WNT8B: variants seen among roughly 807,000 people sequenced by gnomAD.
WNT8B encodes Wnt family member 8B.
Under a neutral mutation model 36.6 loss-of-function variants are expected in WNT8B, and 24 were observed. The observed-to-expected ratio is 0.66, with a 90% CI of 0.48 to 0.92. The LOEUF (loss-of-function observed/expected upper bound fraction) is 0.92, where lower values mean the gene tolerates loss of function less well. Ranked by LOEUF, WNT8B falls within the 40% of genes least tolerant of loss-of-function variation. The pLI is 0.00. For synonymous variants in WNT8B, 199 were observed against 189.8 expected (o/e 1.05, Z -0.40); for missense variants, 402 against 470.8 (o/e 0.85, Z 1.35).
At chr10:100,467,278 G>A (rs1488598758) in intron 1 of WNT8B, among the ~76,000 whole-genome samples, 1 of 152,054 alleles carries the variant, frequency 6.6e-6, no homozygotes, top group Non-Finnish European at 1.5e-5. Flanking sequence ...AGATCATAAG[G>A]GGATCATTTA....
At chr10:100,463,545 C>T (rs759018581) in intron 1 of WNT8B, among the ~76,000 whole-genome samples, 11 of 152,108 alleles carry the variant, frequency 7.2e-5, no homozygotes, top group Non-Finnish European at 1.2e-4. Flanking sequence ...CTGATGTCAG[C>T]ATTGTAGAGA....
chr10:100,469,552 G>C lies in WNT8B; in HGVS notation c.68+6316G>C, dbSNP rs1850951175. 3.3e-5 allele frequency among the ~76,000 whole-genome samples: 5 copies of C among 152,278 alleles called. No individual in the cohort carries two copies. The South Asian group carries it at 1.0e-3, about 32-fold the overall frequency. Reference sequence around the variant, plus strand: ...TGCTTTTCACCCTTGAAAAATATTTGCATTTTAAACTTAACTCTCTCAAAT... The same window carrying C: ...TGCTTTTCACCCTTGAAAAATATTTCCATTTTAAACTTAACTCTCTCAAAT... On this transcript the variant is annotated intron_variant, in intron 1 of 5. Transcript: ENST00000343737.
In WNT8B at chr10:100,482,268, C is replaced by T. The variant is rs760150564; in HGVS notation, c.511-3C>T. Reference sequence around the variant, plus strand: ...GGCCTCTCACTCCTAGCTCTCTCCCCAGGCGGTGAAGGGCACCATGAAACG... The same window carrying T: ...GGCCTCTCACTCCTAGCTCTCTCCCTAGGCGGTGAAGGGCACCATGAAACG... On this transcript the variant is annotated splice_polypyrimidine_tract_variant and splice_region_variant and intron_variant, in intron 5 of 5. Coordinates refer to ENST00000343737, the MANE Select transcript of WNT8B (RefSeq NM_003393.4). The surrounding 1 kb of genome is among the most constrained non-coding windows in gnomAD (Gnocchi z 6.6). The T allele has an allele frequency of 8.2e-6, 13 of 1,579,790 alleles. No individual in the cohort carries two copies. Among genetic ancestry groups the T allele is most frequent in the South Asian group, 2.3e-5 (2 of 87,958 alleles).
intron 1 of WNT8B, among the ~76,000 whole-genome samples, chr10:100,464,326 AT>A (rs1370866288): frequency 2.6e-5 from 4 of 152,150 alleles, no homozygotes; most frequent in Non-Finnish European, 5.9e-5. Context: ...CAATTAGTCC[AT>A]TTTTAATTGG....
intron 3 of WNT8B, among the ~76,000 whole-genome samples, 150 bp from the exon 4 acceptor site, chr10:100,480,845 AAAT>A (rs1403682907): frequency 6.6e-6 from 1 of 152,214 alleles, no homozygotes; most frequent in Non-Finnish European, 1.5e-5. Flanking sequence ...CTCTGCAAAA[AAAT>A]AAAAGTTAAA....
intron 4 of WNT8B, among the ~76,000 whole-genome samples, chr10:100,481,620 C>T (rs540857925): frequency 6.6e-6 from 1 of 152,332 alleles, no homozygotes; most frequent in Non-Finnish European, 1.5e-5. Flanking sequence ...ACCCTCTGCC[C>T]ATGCGAAGAG....
rs372632748 is a variant in WNT8B at position 100,481,133 on chromosome 10, A to G, written c.367+10A>G. 56 of 1,613,750 alleles carry G rather than the reference A, an allele frequency of 3.5e-5. No individual in the cohort carries two copies. Among genetic ancestry groups the G allele is most frequent in the Non-Finnish European group, 4.6e-5 (54 of 1,179,900 alleles). On this transcript the variant is annotated intron_variant, in intron 4 of 5. Transcript: ENST00000343737. ...CGCAACGGGCAACTGGGTGAGTAGT[A>G]ATGTAGGGATGGGTACCATAGGCCA...
rs556376023 is a variant in WNT8B at position 100,473,199 on chromosome 10, G to C, written c.69-5853G>C. Reference sequence around the variant, plus strand: ...ATGAAACAGAGAAAAGTTGCTGTGAGGCTTCAAGGTGTGCTGGTTGTGGCT... The same window carrying C: ...ATGAAACAGAGAAAAGTTGCTGTGACGCTTCAAGGTGTGCTGGTTGTGGCT... On this transcript the variant is annotated intron_variant, in intron 1 of 5. Transcript: ENST00000343737. Among the ~76,000 whole-genome samples, 20 of 152,330 alleles carry C rather than the reference G, an allele frequency of 1.3e-4. No homozygotes were observed. The East Asian group carries it at 3.9e-3, about 29-fold the overall frequency.
intron 1 of WNT8B, 129 bp from the exon 2 acceptor site, chr10:100,478,923 T>A: frequency 1.3e-6 from 1 of 790,572 alleles, no homozygotes; most frequent in Non-Finnish European, 1.9e-6. Context: ...CAGTGTTTCC[T>A]GGGTAAAACT....
chr10:100,480,830 C>T (rs940786429), intron 3 of WNT8B, among the ~76,000 whole-genome samples, 168 bp from the exon 4 acceptor site: 1 of 151,758 alleles, frequency 6.6e-6, no homozygotes, highest in Non-Finnish European at 1.5e-5. Flanking sequence ...ATAGTGAGAC[C>T]GACTCTCTGC....
intron 1 of WNT8B, among the ~76,000 whole-genome samples, chr10:100,472,414 C>G (rs1174639474): frequency 3.3e-5 from 5 of 152,044 alleles, no homozygotes; most frequent in Admixed American, 3.3e-4. Context: ...TTTCTTGAGT[C>G]TGGACAACAG....
At chr10:100,469,042 A>C (rs1225455873) in intron 1 of WNT8B, among the ~76,000 whole-genome samples, 1 of 152,240 alleles carries the variant, frequency 6.6e-6, no homozygotes, top group African/African-American at 2.4e-5. Flanking sequence ...ATTTATAAAA[A>C]ACATTTTTAG....
At chr10:100,469,636 G>T (rs1170785442) in intron 1 of WNT8B, among the ~76,000 whole-genome samples, 2 of 152,234 alleles carry the variant, frequency 1.3e-5, no homozygotes, top group Non-Finnish European at 2.9e-5. Flanking sequence ...AGGTAGTGAA[G>T]AAAATTTGGG....
At chr10:100,473,632 A>G (rs1281401280) in intron 1 of WNT8B, among the ~76,000 whole-genome samples, 1 of 152,196 alleles carries the variant, frequency 6.6e-6, no homozygotes, top group African/African-American at 2.4e-5. Flanking sequence ...TGGTCAAAAA[A>G]TATTCTATTA....
At chr10:100,481,798 C>A in intron 4 of WNT8B, 114 bp from the exon 5 acceptor site, 1 of 1,448,838 alleles carries the variant, frequency 6.9e-7, no homozygotes, top group Non-Finnish European at 9.2e-7. Flanking sequence ...ACTCGCCCAA[C>A]CTTAATCCTC....
chr10:100,471,667 T>G (rs1439822136), intron 1 of WNT8B, among the ~76,000 whole-genome samples: 1 of 151,934 alleles, frequency 6.6e-6, no homozygotes, highest in Non-Finnish European at 1.5e-5. Flanking sequence ...GCAGGTAGAG[T>G]GCATGCTCTA....
intron 1 of WNT8B, among the ~76,000 whole-genome samples, chr10:100,475,882 T>C (rs1432964383): frequency 6.6e-6 from 1 of 152,160 alleles, no homozygotes; most frequent in Non-Finnish European, 1.5e-5. Flanking sequence ...CTTTGGAAAT[T>C]GTGAATTCAT....
intron 1 of WNT8B, among the ~76,000 whole-genome samples, chr10:100,474,577 T>C (rs1267497076): frequency 1.3e-5 from 2 of 152,286 alleles, no homozygotes; most frequent in African/African-American, 4.8e-5. Flanking sequence ...GTCTTCTTTT[T>C]TTTTTGAGAC....
At chr10:100,466,599 T>C (rs570175991) in intron 1 of WNT8B, among the ~76,000 whole-genome samples, 1 of 152,262 alleles carries the variant, frequency 6.6e-6, no homozygotes, top group Non-Finnish European at 1.5e-5. Context: ...TGCTCTAAGA[T>C]GCATCTTTGT....
Sources: allele counts gnomAD v4.1 joint callset (sites outside exome capture counted in the v4.1 genomes callset), GRCh38; gene constraint gnomAD v4.1.1; non-coding constraint Gnocchi (gnomAD v3.1); transcripts MANE v1.5; gene names NCBI Gene and HGNC (gene_info 2026-07-23, HGNC 2026-07-21).